Variants in TMCO4 observed in about 807,000 individuals in gnomAD.
TMCO4 encodes transmembrane and coiled-coil domain-containing protein 4.
A neutral mutation model predicts 64.7 loss-of-function variants in TMCO4; 58 were observed. The ratio of observed to expected loss-of-function variants is 0.90; its 90% CI spans 0.73 to 1.12. TMCO4 has a LOEUF of 1.12. Among genes scored for constraint, TMCO4 ranks in the 50% most tolerant of loss-of-function variants. The pLI is 0.00. For synonymous variants in TMCO4, 325 were observed against 346.1 expected (o/e 0.94, Z 0.68); for missense variants, 780 against 825.9 (o/e 0.94, Z 0.68).
At chr1:19,763,851 G>A (rs545627985) in intron 6 of TMCO4, among the ~76,000 whole-genome samples, 5 of 151,386 alleles carry the variant, frequency 3.3e-5, no homozygotes, top group Non-Finnish European at 5.9e-5. Flanking sequence ...TTGAAGCCCC[G>A]TTGTGTGCCC....
At position 19,722,459 on chromosome 1, in the gene TMCO4, C is replaced by T. The variant is rs572159463; in HGVS notation, c.1264+14913G>A. On this transcript the variant is annotated intron_variant, in intron 13 of 15. Coordinates refer to ENST00000294543, the MANE Select transcript of TMCO4 (RefSeq NM_181719.7). ...AGCTTAGATGCGCTATTTTATTTTC[C>T]TTAAGAGGTGGGTATCGTTTGATCT... Among the ~76,000 whole-genome samples, 16 of 152,230 alleles carry T rather than the reference C, an allele frequency of 1.1e-4. No individual in the cohort carries two copies. The South Asian group carries it at 1.9e-3, about 18-fold the overall frequency.
rs374194395 is a variant in TMCO4 at position 19,683,363 on chromosome 1, C to T, written c.1582G>A (p.Glu528Lys). 93 of 1,613,838 alleles carry T rather than the reference C, an allele frequency of 5.8e-5. No homozygotes were observed. The highest frequency in any genetic ancestry group is 1.7e-4 in the Middle Eastern group (1 of 6,022). The change falls in exon 16 of 16, where the codon GAG becomes AAG. Residue 528 changes from glutamate (E) to lysine (K), a missense_variant. Transcript: ENST00000294543. ...VGIRTKPGWD[E>K]KGLLLAPGCL... Reference sequence around the variant, plus strand: ...CCTGGGGCCAGCAAGAGCCCCTTCTCGTCCCAGCCTGGCTTGGTGCGGATG... The same window carrying T: ...CCTGGGGCCAGCAAGAGCCCCTTCTTGTCCCAGCCTGGCTTGGTGCGGATG...
Position 19,740,879 on chromosome 1 carries a change from C to T in TMCO4, c.940G>A (p.Glu314Lys). Residue 314 changes from glutamate (E) to lysine (K), a missense_variant, in exon 11 of 16, where the codon GAA (glutamate) becomes AAA (lysine). Transcript: ENST00000294543. ...HSREQYCLAWEAKYLMELGNA... is the reference protein window; with the variant it reads ...HSREQYCLAWKAKYLMELGNA... ...CCGAGCTCCATCAGGTACTTGGCTT[C>T]CCAGGCCAGGCAGTACTGCTCACGG... 1 of 1,614,118 alleles carries T rather than the reference C, an allele frequency of 6.2e-7. No individual in the cohort carries two copies. The highest frequency in any genetic ancestry group is 8.5e-7 in the Non-Finnish European group (1 of 1,179,998).
chr1:19,760,794 G>C (rs1315603134), intron 6 of TMCO4, among the ~76,000 whole-genome samples: 1 of 152,148 alleles, frequency 6.6e-6, no homozygotes, highest in Non-Finnish European at 1.5e-5. Context: ...CTAGTACCTC[G>C]GCCCATGCCA....
intron 6 of TMCO4, among the ~76,000 whole-genome samples, chr1:19,769,989 A>G (rs77414284): frequency 0.12 from 17,797 of 152,210 alleles, 1,127 homozygotes; most frequent in Non-Finnish European, 0.13. Flanking sequence ...CCCCACGGCA[A>G]GGGGACTGAA....
At chr1:19,711,264 A>AT (rs796640927) in intron 13 of TMCO4, among the ~76,000 whole-genome samples, 122 of 152,232 alleles carry the variant, frequency 8.0e-4, no homozygotes, top group African/African-American at 2.6e-3. Flanking sequence ...TGTTGGTGCT[A>AT]TTTTCCCACA....
At chr1:19,713,218 T>C (rs1310638794) in intron 13 of TMCO4, among the ~76,000 whole-genome samples, 1 of 152,100 alleles carries the variant, frequency 6.6e-6, no homozygotes, top group African/African-American at 2.4e-5. Flanking sequence ...CATTGTAAAG[T>C]ATGTGGATAC....
chr1:19,799,808 G>A (rs1557646202), intron 1 of TMCO4, 47 bp downstream of exon 1: 2 of 152,034 alleles, frequency 1.3e-5, no homozygotes, highest in South Asian at 4.1e-4. Context: ...GTGGCCCAGC[G>A]AGGTGCGCGC....
chr1:19,745,608 C>G lies in TMCO4; in HGVS notation c.801G>C (p.Thr267=). 1 of 1,614,074 alleles carries G rather than the reference C, an allele frequency of 6.2e-7. No individual in the cohort carries two copies. The highest frequency in any genetic ancestry group is 1.1e-5 in the South Asian group (1 of 91,072). ...GCCTGCCCTCCGTCAGAGGCAGAAA[C>G]GTGAACTCTTCAATGGCTCCCACTC... The part of the protein sequence containing the change: ...KKRVGAIEEF[T]FLPLTEGRQL... Residue 267 remains threonine (T), a synonymous_variant, in exon 10 of 16, where the codon ACG becomes ACC. Coordinates refer to ENST00000294543, the MANE Select transcript of TMCO4 (RefSeq NM_181719.7).
At chr1:19,714,025 C>G (rs940589981) in intron 13 of TMCO4, among the ~76,000 whole-genome samples, 4 of 152,172 alleles carry the variant, frequency 2.6e-5, no homozygotes, top group African/African-American at 9.7e-5. Flanking sequence ...CAACTTCTAC[C>G]TCCCAGGTTC....
At chr1:19,749,136 G>T (rs1420470093) in intron 7 of TMCO4, among the ~76,000 whole-genome samples, 1 of 152,230 alleles carries the variant, frequency 6.6e-6, no homozygotes, top group Non-Finnish European at 1.5e-5. Context: ...TGGGAGGCAG[G>T]AGGGCCATCA....
intron 2 of TMCO4, among the ~76,000 whole-genome samples, chr1:19,791,973 C>T (rs534737609): frequency 4.3e-4 from 66 of 152,280 alleles, no homozygotes; most frequent in African/African-American, 1.5e-3. Context: ...GTGCTATTCT[C>T]GTGAGAGTGA....
At position 19,737,370 on chromosome 1, in the gene TMCO4, AC is replaced by A. The variant is rs763442736; in HGVS notation, c.1264+1del. 10 of 1,611,612 alleles carry A rather than the reference AC, an allele frequency of 6.2e-6. No homozygotes were observed. The highest frequency in any genetic ancestry group is 1.7e-4 in the Middle Eastern group (1 of 5,744). ...CCGTCTGTGACAATAATCCATGCTC[AC>A]CTTTCTCTTGAGCCATCTCCTGCAG... On this transcript the variant is annotated splice_donor_variant, in intron 13 of 15. Transcript: ENST00000294543. LOFTEE classifies it high-confidence loss of function.
chr1:19,699,170 T>C lies in TMCO4; in HGVS notation c.1382+1598A>G, dbSNP rs1392159376. 2.0e-5 allele frequency among the ~76,000 whole-genome samples: 3 copies of C among 151,258 alleles called. No individual in the cohort carries two copies. In the South Asian group the frequency reaches 6.3e-4, roughly 32 times the overall value. On this transcript the variant is annotated intron_variant, in intron 14 of 15. Transcript: ENST00000294543. The stretch of plus-strand genomic sequence containing the variant: ...GAGATTGCAACACTGCACTCCAGCC[T>C]GGGTGACAATGTGAGACTCCGTTTC...
chr1:19,713,944 T>C (rs1553131291), intron 13 of TMCO4, among the ~76,000 whole-genome samples: 1 of 152,102 alleles, frequency 6.6e-6, no homozygotes, highest in Non-Finnish European at 1.5e-5. Context: ...ATTATTATTA[T>C]TATTATTTTT....
chr1:19,761,224 C>G (rs1267505377), intron 6 of TMCO4, among the ~76,000 whole-genome samples: 2 of 152,198 alleles, frequency 1.3e-5, no homozygotes, highest in East Asian at 3.8e-4. Context: ...GCCACCCATT[C>G]CCCGCACCAT....
chr1:19,704,544 A>G (rs1366416143), intron 13 of TMCO4, among the ~76,000 whole-genome samples: 1 of 152,218 alleles, frequency 6.6e-6, no homozygotes, highest in Non-Finnish European at 1.5e-5. Context: ...TATGCGGGTT[A>G]TCGTTGCTCC....
chr1:19,699,626 TCA>T (rs1236789134), intron 14 of TMCO4, among the ~76,000 whole-genome samples: 5 of 151,974 alleles, frequency 3.3e-5, no homozygotes, highest in Non-Finnish European at 5.9e-5. Context: ...CGATCTTAGC[TCA>T]CTGCAACCTC....
In TMCO4 at chr1:19,743,107, A is replaced by G. The variant is rs2095487416; in HGVS notation, c.878-2166T>C. 6.6e-6 allele frequency among the ~76,000 whole-genome samples: 1 copy of G among 152,204 alleles called. No individual in the cohort carries two copies. Among genetic ancestry groups the G allele is most frequent in the South Asian group, 2.1e-4 (1 of 4,832 alleles). ...CGTTGTATAAACTGTAAAGTGCTCT[A>G]CTGCATTGTGCTGTCCTATGGCCAA... On this transcript the variant is annotated intron_variant, in intron 10 of 15. Coordinates refer to ENST00000294543, the MANE Select transcript of TMCO4 (RefSeq NM_181719.7). The surrounding 1 kb of genome is among the most constrained non-coding windows in gnomAD (Gnocchi z 4.1).
Sources: gnomAD v4.1 joint callset for allele counts (sites outside exome capture counted in the v4.1 genomes callset) on GRCh38, gnomAD v4.1.1 for gene constraint, Gnocchi (gnomAD v3.1) non-coding constraint, MANE v1.5 for transcripts, NCBI Gene and HGNC (gene_info 2026-07-23, HGNC 2026-07-21) for gene names.